Variants in MRPL18 observed in about 807,000 individuals in gnomAD.
MRPL18 encodes large ribosomal subunit protein uL18m.
In MRPL18, 16 loss-of-function variants were observed where a neutral mutation model predicts 20.9. That is an observed-to-expected ratio of 0.76 (90% CI 0.52 to 1.16). MRPL18 has a LOEUF of 1.16. Among genes scored for constraint, MRPL18 ranks in the 50% most tolerant of loss-of-function variants. MRPL18 has a pLI of 0.00. For missense variants in MRPL18, 233 were observed against 230.6 expected, an observed-to-expected ratio of 1.01 and a Z score of -0.07; for synonymous variants, 91 against 87.1, an observed-to-expected ratio of 1.04 and a Z score of -0.25.
At chr6:159,796,309 T>C (rs1189938775) in intron 2 of MRPL18, among the ~76,000 whole-genome samples, 1 of 151,604 alleles carries the variant, frequency 6.6e-6, no homozygotes, top group African/African-American at 2.4e-5. Flanking sequence ...GCAAACCCTG[T>C]CTCTACAAAA....
chr6:159,797,498 T>G lies in MRPL18; in HGVS notation c.451T>G (p.Trp151Gly). The G allele has an allele frequency of 6.2e-7, 1 of 1,614,092 alleles. No individual in the cohort carries two copies. The highest frequency in any genetic ancestry group is 8.5e-7 in the Non-Finnish European group (1 of 1,179,950). Residue 151 changes from tryptophan (W) to glycine (G), a missense_variant, in exon 3 of 4, where the codon TGG becomes GGG. Coordinates refer to ENST00000367034, the MANE Select transcript of MRPL18 (RefSeq NM_014161.5). ...CTTCATGGTCTACCAACCAACCCCG[T>G]GGGAGGCAGCCTCAGACTCGGTATT... The part of the protein sequence containing the change: ...INFMVYQPTP[W>G]EAASDSMKRL...
chr6:159,798,185 A>G lies in MRPL18; in HGVS notation c.*62A>G. On this transcript the variant is annotated 3_prime_UTR_variant, in exon 4 of 4. Coordinates refer to ENST00000367034, the MANE Select transcript of MRPL18 (RefSeq NM_014161.5). ...ATCTGTCAGCCACTACAGCCATCAA[A>G]AGAGAGCATCTGGAAGAACAGCCAG... The G allele has an allele frequency of 7.3e-7, 1 of 1,375,336 alleles. No individual in the cohort carries two copies. Among genetic ancestry groups the G allele is most frequent in the Non-Finnish European group, 1.0e-6 (1 of 978,666 alleles). The allele number at this position is 1,375,336 out of a possible 1,614,324, so 85.2% of individuals were successfully genotyped here. A position where few individuals can be genotyped will look rare whatever the true frequency, so the allele number is the denominator to read the frequency against.
intron 2 of MRPL18, among the ~76,000 whole-genome samples, chr6:159,792,619 A>G (rs915809604): frequency 6.6e-6 from 1 of 152,178 alleles, no homozygotes; most frequent in Non-Finnish European, 1.5e-5. Context: ...ATCTTTTGAA[A>G]CACCCAACCT....
rs931841790 is a variant in MRPL18, at chr6:159,795,654, C to G, written c.240-1633C>G. Among the ~76,000 whole-genome samples, 3 of 152,180 alleles carry G rather than the reference C, an allele frequency of 2.0e-5. No homozygotes were observed. In the South Asian group the frequency reaches 6.2e-4, roughly 31 times the overall value. Reference sequence around the variant, plus strand: ...TGGAGTCTCCTATGTCTACTTCTTTCTACACAGACAGTAACAATCTGATCT... The same window carrying G: ...TGGAGTCTCCTATGTCTACTTCTTTGTACACAGACAGTAACAATCTGATCT... On this transcript the variant is annotated intron_variant, in intron 2 of 3. Transcript: ENST00000367034.
In MRPL18 at chr6:159,790,597, C is replaced by T; in HGVS notation, c.10C>T (p.Arg4Trp). 6.4e-7 allele frequency: 1 copy of T among 1,557,730 alleles called. No individual in the cohort carries two copies. The highest frequency in any genetic ancestry group is 8.7e-7 in the Non-Finnish European group (1 of 1,152,450). Reference sequence around the variant, plus strand: ...CGAGATCGTCTCAGCGATGGCGCTTCGGTCGCGGTTTTGGGGGTTGTTCTC... The same window carrying T: ...CGAGATCGTCTCAGCGATGGCGCTTTGGTCGCGGTTTTGGGGGTTGTTCTC... MALRSRFWGLFSVC... is the reference protein window; with the variant it reads MALWSRFWGLFSVC... The change falls in exon 1 of 4, where the codon CGG (arginine) becomes TGG (tryptophan). Residue 4 changes from arginine to tryptophan, a missense_variant. Transcript: ENST00000367034.
Position 159,798,197 on chromosome 6 carries a change from GGAA to G in MRPL18, c.*78_*80del. On this transcript the variant is annotated 3_prime_UTR_variant, in exon 4 of 4. Coordinates refer to ENST00000367034, the MANE Select transcript of MRPL18 (RefSeq NM_014161.5). ...CTACAGCCATCAAAAGAGAGCATCT[GGAA>G]GAACAGCCAGCTTGGAAGTTTTACA... 7.9e-7 allele frequency: 1 copy of G among 1,258,348 alleles called. No individual in the cohort carries two copies. Among genetic ancestry groups the G allele is most frequent in the Non-Finnish European group, 1.1e-6 (1 of 881,276 alleles). 77.9% of individuals were successfully genotyped at this position (1,258,348 alleles called of 1,614,324 possible). A position where few individuals can be genotyped will look rare whatever the true frequency, so the allele number is the denominator to read the frequency against.
intron 2 of MRPL18, among the ~76,000 whole-genome samples, chr6:159,793,442 A>C (rs1321145131): frequency 1.3e-5 from 2 of 152,164 alleles, no homozygotes; most frequent in African/African-American, 4.8e-5. Flanking sequence ...TTCGTTGCCC[A>C]GGTTCTTAGA....
At chr6:159,791,548 C>T (rs1460708476) in intron 2 of MRPL18, among the ~76,000 whole-genome samples, 1 of 152,164 alleles carries the variant, frequency 6.6e-6, no homozygotes, top group African/African-American at 2.4e-5. Flanking sequence ...TTTAGACTTT[C>T]TTTTCATTAT....
chr6:159,791,639 G>A (rs756869243), intron 2 of MRPL18, among the ~76,000 whole-genome samples: 1 of 152,242 alleles, frequency 6.6e-6, no homozygotes, highest in East Asian at 1.9e-4. Flanking sequence ...ATTGTCTCAT[G>A]CCTGTAATCC....
At chr6:159,795,947 C>T (rs1781019002) in intron 2 of MRPL18, among the ~76,000 whole-genome samples, 2 of 151,816 alleles carry the variant, frequency 1.3e-5, no homozygotes, top group Admixed American at 1.3e-4. Context: ...TCACGCCTGG[C>T]TGATTTTTTC....
At chr6:159,794,882 C>T (rs1164963141) in intron 2 of MRPL18, among the ~76,000 whole-genome samples, 2 of 152,144 alleles carry the variant, frequency 1.3e-5, no homozygotes, top group Admixed American at 1.3e-4. Context: ...ATCCCGCCAG[C>T]CTCTGAGTTC....
At chr6:159,794,123 T>C (rs1483007342) in intron 2 of MRPL18, among the ~76,000 whole-genome samples, 1 of 152,252 alleles carries the variant, frequency 6.6e-6, no homozygotes, top group East Asian at 1.9e-4. Context: ...TACAGTTTCT[T>C]GTGTGTCCTT....
Position 159,797,281 on chromosome 6 carries a change from A to G in MRPL18, c.240-6A>G. 3 of 1,611,872 alleles carry G rather than the reference A, an allele frequency of 1.9e-6. No individual in the cohort carries two copies. The highest frequency in any genetic ancestry group is 2.2e-5 in the East Asian group (1 of 44,868). ...TGTGATTTTATTATCTTCTCACCCC[A>G]TTTAGGTTGCGAGTTATAAGGACTC... On this transcript the variant is annotated splice_polypyrimidine_tract_variant and splice_region_variant and intron_variant, in intron 2 of 3. Transcript: ENST00000367034.
rs749638641 is a variant in MRPL18 at position 159,797,277 on chromosome 6, C to T, written c.240-10C>T. The T allele has an allele frequency of 1.2e-5, 19 of 1,608,080 alleles. No homozygotes were observed. The highest frequency in any genetic ancestry group is 1.5e-5 in the Non-Finnish European group (18 of 1,174,634). ...CTTCTGTGATTTTATTATCTTCTCA[C>T]CCCATTTAGGTTGCGAGTTATAAGG... On this transcript the variant is annotated splice_polypyrimidine_tract_variant and intron_variant, in intron 2 of 3. Coordinates refer to ENST00000367034, the MANE Select transcript of MRPL18 (RefSeq NM_014161.5).
chr6:159,797,033 T>C (rs1554270897), intron 2 of MRPL18, among the ~76,000 whole-genome samples: 1 of 152,222 alleles, frequency 6.6e-6, no homozygotes, highest in South Asian at 2.1e-4. Flanking sequence ...GAAGTAGATC[T>C]GTAAATAAAA....
At chr6:159,794,717 A>C (rs1780988114) in intron 2 of MRPL18, among the ~76,000 whole-genome samples, 2 of 152,212 alleles carry the variant, frequency 1.3e-5, no homozygotes, top group Non-Finnish European at 2.9e-5. Context: ...TGTTTGGATA[A>C]TGCTTTGCCT....
Position 159,791,209 on chromosome 6 carries a change from G to A in MRPL18, c.239+83G>A, listed in dbSNP as rs534967189. ...CATTCAACTCCAGGCACTCTCCCAGGTAGCTGCCATGCGGCGGGTAGAGGC... is the reference window on the plus strand; with the variant it reads ...CATTCAACTCCAGGCACTCTCCCAGATAGCTGCCATGCGGCGGGTAGAGGC... On this transcript the variant is annotated intron_variant, in intron 2 of 3. Transcript: ENST00000367034. 1.3e-5 allele frequency: 19 copies of A among 1,518,196 alleles called. No homozygotes were observed. The Admixed American group carries it at 1.6e-4, about 13-fold the overall frequency. 94.0% of individuals were successfully genotyped at this position (1,518,196 alleles called of 1,614,324 possible). A position where few individuals can be genotyped will look rare whatever the true frequency, so the allele number is the denominator to read the frequency against.
At chr6:159,794,152 T>C (rs1213354802) in intron 2 of MRPL18, among the ~76,000 whole-genome samples, 1 of 152,218 alleles carries the variant, frequency 6.6e-6, no homozygotes, top group Non-Finnish European at 1.5e-5. Context: ...TGTCTATGCA[T>C]ATAAGCAAAA....
chr6:159,797,618 C>G (rs1306620460), intron 3 of MRPL18, 100 bp downstream of exon 3: 5 of 1,108,082 alleles, frequency 4.5e-6, no homozygotes, highest in Admixed American at 2.0e-5. Flanking sequence ...CAAATACTTT[C>G]CATGTGTCAG....
Sources: gnomAD v4.1 joint callset for allele counts (sites outside exome capture counted in the v4.1 genomes callset) on GRCh38, gnomAD v4.1.1 for gene constraint, MANE v1.5 for transcripts, NCBI Gene and HGNC (gene_info 2026-07-23, HGNC 2026-07-21) for gene names.